The following DLG2 variants were observed in gnomAD, a reference collection of about 807,000 sequenced individuals.
The protein encoded by DLG2 is discs large MAGUK scaffold protein 2.
A neutral mutation model predicts 132.5 loss-of-function variants in DLG2; 45 were observed. That is an observed-to-expected ratio of 0.34 (90% CI 0.27 to 0.44). The LOEUF (loss-of-function observed/expected upper bound fraction) is 0.44. Among genes scored for constraint, DLG2 ranks in the 20% least tolerant of loss-of-function variants. DLG2 has a pLI of 1.00. For synonymous variants in DLG2, 424 were observed against 419.6 expected (o/e 1.01, Z -0.13); for missense variants, 1,045 against 1,196.9 (o/e 0.87, Z 1.87).
chr11:83,665,094 G>T (rs575227094), intron 18 of DLG2, among the ~76,000 whole-genome samples: 1 of 152,184 alleles, frequency 6.6e-6, no homozygotes, highest in Non-Finnish European at 1.5e-5. Flanking sequence ...AGAATGCCTT[G>T]AAACTTTAGA....
At chr11:85,409,690 G>A (rs1357931349) in intron 3 of DLG2, among the ~76,000 whole-genome samples, 1 of 151,768 alleles carries the variant, frequency 6.6e-6, no homozygotes, top group Admixed American at 6.6e-5. Context: ...ATATATCTGG[G>A]GGGGTGGAGA....
chr11:83,704,764 T>A (rs1247581044), intron 18 of DLG2, among the ~76,000 whole-genome samples: 1 of 150,560 alleles, frequency 6.6e-6, no homozygotes, highest in African/African-American at 2.5e-5. Context: ...AAGGCGGAGG[T>A]GGCAGTGAGC....
intron 4 of DLG2, among the ~76,000 whole-genome samples, chr11:85,177,375 A>G (rs532601938): frequency 1.3e-5 from 2 of 152,170 alleles, no homozygotes; most frequent in South Asian, 2.1e-4. Flanking sequence ...TTGCAGGGAC[A>G]TGGGTAGAGT....
intron 8 of DLG2, among the ~76,000 whole-genome samples, chr11:84,232,127 G>C (rs985869343): frequency 6.6e-6 from 1 of 152,140 alleles, no homozygotes; most frequent in Non-Finnish European, 1.5e-5. Flanking sequence ...TGCGCAGTAG[G>C]ATTTCTCTTG....
chr11:84,753,795 G>C (rs2153836700), intron 6 of DLG2, among the ~76,000 whole-genome samples: 1 of 152,324 alleles, frequency 6.6e-6, no homozygotes, highest in Admixed American at 6.5e-5. Flanking sequence ...TTAGAGACTA[G>C]CAGAGCTGGA....
At chr11:85,085,567 A>G (rs958478458) in intron 6 of DLG2, among the ~76,000 whole-genome samples, 9 of 152,212 alleles carry the variant, frequency 5.9e-5, no homozygotes, top group African/African-American at 2.2e-4. Context: ...TAACCTACTT[A>G]TTAAAATAAT....
At chr11:83,556,439 C>A (rs1225905) in intron 19 of DLG2, among the ~76,000 whole-genome samples, 71,023 of 150,386 alleles carry the variant, frequency 0.47, 17,354 homozygotes, top group Admixed American at 0.57. Flanking sequence ...GTGGCGCGAT[C>A]GTGACTCACT....
At chr11:83,708,488 G>T (rs1432027007) in intron 18 of DLG2, among the ~76,000 whole-genome samples, 2 of 152,180 alleles carry the variant, frequency 1.3e-5, no homozygotes, top group Non-Finnish European at 2.9e-5. Flanking sequence ...TGAAAGGTGT[G>T]AAGCCATAAA....
intron 5 of DLG2, among the ~76,000 whole-genome samples, chr11:85,113,495 G>A (rs187713149): frequency 4.7e-4 from 72 of 152,018 alleles, no homozygotes; most frequent in Non-Finnish European, 8.4e-4. Flanking sequence ...CTTCTCGTAC[G>A]TGTTTTAACT....
chr11:83,963,064 G>C (rs201182953), intron 13 of DLG2, 41 bp from the exon 14 acceptor site: 54 of 1,599,566 alleles, frequency 3.4e-5, no homozygotes, highest in Admixed American at 1.2e-4. Flanking sequence ...CCTGTTATGT[G>C]GGTGATTCAA....
At chr11:83,804,617 C>A (rs2045445470) in intron 17 of DLG2, among the ~76,000 whole-genome samples, 1 of 147,328 alleles carries the variant, frequency 6.8e-6, no homozygotes, top group African/African-American at 2.5e-5. Context: ...CAGACACACA[C>A]TTTTTCTGAA....
At chr11:84,306,396 A>C (rs1599528092) in intron 7 of DLG2, among the ~76,000 whole-genome samples, 1 of 152,324 alleles carries the variant, frequency 6.6e-6, no homozygotes, top group South Asian at 2.1e-4. Context: ...ACATAGATTG[A>C]TGCAGGAGAG....
chr11:84,829,533 G>A (rs75260065), intron 6 of DLG2, among the ~76,000 whole-genome samples: 10,353 of 151,780 alleles, frequency 0.068, 428 homozygotes, highest in Non-Finnish European at 0.1. Context: ...GAAAGGCAGC[G>A]TAGTAAAGTG....
chr11:84,791,487 C>T (rs1469721100), intron 6 of DLG2, among the ~76,000 whole-genome samples: 3 of 152,046 alleles, frequency 2.0e-5, no homozygotes, highest in African/African-American at 4.8e-5. Context: ...AATATCATTG[C>T]TATTTTGATA....
At chr11:84,636,123 C>A (rs1654072175) in intron 6 of DLG2, among the ~76,000 whole-genome samples, 1 of 152,108 alleles carries the variant, frequency 6.6e-6, no homozygotes, top group Admixed American at 6.5e-5. Context: ...CTGGACAATG[C>A]AGATTAAGTT....
intron 6 of DLG2, among the ~76,000 whole-genome samples, chr11:84,724,216 T>A (rs1014376940): frequency 5.9e-5 from 9 of 152,146 alleles, no homozygotes; most frequent in Admixed American, 2.0e-4. Context: ...ATGAAATAGG[T>A]ATACTAGATT....
intron 6 of DLG2, among the ~76,000 whole-genome samples, chr11:84,807,381 T>C (rs1176471932): frequency 6.6e-6 from 1 of 151,858 alleles, no homozygotes; most frequent in African/African-American, 2.4e-5. Context: ...GGGAGGCAGA[T>C]GTTGCAGTGA....
At chr11:83,681,956 T>A (rs2078896590) in intron 18 of DLG2, 1 of 183,302 alleles carries the variant, frequency 5.5e-6, no homozygotes, top group South Asian at 1.8e-4. Flanking sequence ...AAAGCAGCCT[T>A]CCAAGGATCA....
chr11:84,845,057 C>G (rs2081283948), intron 6 of DLG2, among the ~76,000 whole-genome samples: 1 of 152,066 alleles, frequency 6.6e-6, no homozygotes, highest in Non-Finnish European at 1.5e-5. Flanking sequence ...ACAGCAATGA[C>G]TATTACATTG....
Sources: allele counts gnomAD v4.1 joint callset (sites outside exome capture counted in the v4.1 genomes callset), GRCh38; gene constraint gnomAD v4.1.1; transcripts MANE v1.5; gene names NCBI Gene and HGNC (gene_info 2026-07-23, HGNC 2026-07-21).